Variants in TMEM132D observed in about 807,000 individuals in gnomAD.
TMEM132D encodes the protein transmembrane protein 132D.
Under a neutral mutation model 62.3 loss-of-function variants are expected in TMEM132D, and 21 were observed. The observed-to-expected ratio is 0.34, with a 90% confidence interval of 0.24 to 0.49. The LOEUF is 0.49. Among genes scored for constraint, TMEM132D ranks in the 20% least tolerant of loss-of-function variants. The pLI, the probability that TMEM132D is intolerant of heterozygous loss-of-function variation, is 0.99. For missense variants in TMEM132D, 1,346 were observed against 1,402.8 expected (o/e 0.96, Z 0.65); for synonymous variants, 621 against 575.6 (o/e 1.08, Z -1.13).
intron 3 of TMEM132D, among the ~76,000 whole-genome samples, chr12:129,515,373 C>G (rs1267099334): frequency 6.6e-6 from 1 of 152,040 alleles, no homozygotes; most frequent in Non-Finnish European, 1.5e-5. Context: ...AATGAATGAA[C>G]AAATGAATGA....
intron 1 of TMEM132D, among the ~76,000 whole-genome samples, chr12:129,728,020 A>G (rs1430482209): frequency 1.3e-5 from 2 of 152,126 alleles, no homozygotes; most frequent in Non-Finnish European, 2.9e-5. Context: ...CAGGTCCATT[A>G]TGCTGTCTCT....
At chr12:129,743,465 C>A (rs142002792) in intron 1 of TMEM132D, among the ~76,000 whole-genome samples, 1 of 152,172 alleles carries the variant, frequency 6.6e-6, no homozygotes, top group Non-Finnish European at 1.5e-5. Context: ...TGAAGAAGAA[C>A]GTGTTTGCTT....
At chr12:129,438,477 C>T (rs1018151368) in intron 3 of TMEM132D, among the ~76,000 whole-genome samples, 1 of 152,182 alleles carries the variant, frequency 6.6e-6, no homozygotes, top group Non-Finnish European at 1.5e-5. Context: ...AACATAGATA[C>T]ATCTCCCTGA....
chr12:129,642,215 A>G (rs1052290661), intron 2 of TMEM132D, among the ~76,000 whole-genome samples: 16 of 152,216 alleles, frequency 1.1e-4, no homozygotes, highest in African/African-American at 3.1e-4. Context: ...GGGTGAATGC[A>G]ATCGTTTACC....
At position 129,088,890 on chromosome 12, in the gene TMEM132D, C is replaced by T. The variant is rs1484904084; in HGVS notation, c.1444-4188G>A. On this transcript the variant is annotated intron_variant, in intron 5 of 8. Transcript: ENST00000422113. Reference sequence around the variant, plus strand: ...CCGGGTGTCCTCTATGACCGGGTGTCCTCCCTGACCGGGTGTCCTCCATGA... The same window carrying T: ...CCGGGTGTCCTCTATGACCGGGTGTTCTCCCTGACCGGGTGTCCTCCATGA... 2.4e-4 allele frequency among the ~76,000 whole-genome samples: 8 copies of T among 33,574 alleles called. 4 individuals carry two copies. In the Admixed American group the frequency reaches 2.5e-3, roughly 10 times the overall value. The allele number at this position is 33,574 out of a possible 152,430, so 22.0% of individuals were successfully genotyped here. A position where few individuals can be genotyped will look rare whatever the true frequency, so the allele number is the denominator to read the frequency against.
intron 1 of TMEM132D, among the ~76,000 whole-genome samples, chr12:129,783,350 A>T (rs1871172559): frequency 6.6e-6 from 1 of 152,206 alleles, no homozygotes; most frequent in South Asian, 2.1e-4. Context: ...ATGTTCAGAG[A>T]CACGAATGGT....
At chr12:129,899,356 A>G (rs1348425380) in intron 1 of TMEM132D, among the ~76,000 whole-genome samples, 1 of 129,940 alleles carries the variant, frequency 7.7e-6, no homozygotes, top group Non-Finnish European at 1.6e-5. Flanking sequence ...GGATGGAGGG[A>G]TGGATGGATG....
chr12:129,424,569 G>T (rs142069248), intron 3 of TMEM132D, among the ~76,000 whole-genome samples: 2 of 151,864 alleles, frequency 1.3e-5, no homozygotes, highest in Admixed American at 1.3e-4. Flanking sequence ...TTAGCCGGGC[G>T]TGGTGGTGGG....
chr12:129,882,330 C>A (rs1029361364), intron 1 of TMEM132D, among the ~76,000 whole-genome samples: 6 of 152,068 alleles, frequency 3.9e-5, no homozygotes, highest in Admixed American at 1.3e-4. Flanking sequence ...AAAACTACAG[C>A]AAATTTCTTT....
Position 129,699,994 on chromosome 12 carries a change from G to T in TMEM132D, c.784C>A (p.Pro262Thr), listed in dbSNP as rs773867246. Residue 262 changes from proline to threonine, a missense_variant, in exon 2 of 9, where the codon CCC becomes ACC. Coordinates refer to ENST00000422113, the MANE Select transcript of TMEM132D (RefSeq NM_133448.3). ...ATGCTCCCGATCCTCTGCAAGGGGG[G>T]CCCGGACTCATCGATGTCACTGTGG... Reference protein sequence around the residue: ...TGHSDIDESGPPLQRIGSIFL... With the variant: ...TGHSDIDESGTPLQRIGSIFL... 3.1e-6 allele frequency: 5 copies of T among 1,614,050 alleles called. No homozygotes were observed. The highest frequency in any genetic ancestry group is 4.2e-6 in the Non-Finnish European group (5 of 1,180,032).
rs552833346 is a variant in TMEM132D at position 129,616,405 on chromosome 12, G to A, written c.968+83405C>T. 1.9e-3 allele frequency among the ~76,000 whole-genome samples: 283 copies of A among 152,264 alleles called. 2 individuals carry two copies. Among genetic ancestry groups the A allele is most frequent in the South Asian group, 0.014 (66 of 4,818 alleles). The stretch of plus-strand genomic sequence containing the variant: ...TTCTTTTTCATTGAGGGGCACAGTG[G>A]TGTGGTTGTATTTGCTGATATGAGA... On this transcript the variant is annotated intron_variant, in intron 2 of 8. Coordinates refer to ENST00000422113, the MANE Select transcript of TMEM132D (RefSeq NM_133448.3).
intron 1 of TMEM132D, among the ~76,000 whole-genome samples, chr12:129,818,792 T>G (rs1387249783): frequency 2.0e-5 from 3 of 151,976 alleles, no homozygotes; most frequent in African/African-American, 7.3e-5. Flanking sequence ...CCCAGCACTT[T>G]GGAAGGCCAA....
intron 3 of TMEM132D, among the ~76,000 whole-genome samples, chr12:129,383,922 A>G (rs1347100312): frequency 6.6e-6 from 1 of 152,152 alleles, no homozygotes; most frequent in African/African-American, 2.4e-5. Flanking sequence ...TCCCATAAGG[A>G]CCCGGAATGA....
At chr12:129,285,012 G>A (rs1017668387) in intron 4 of TMEM132D, among the ~76,000 whole-genome samples, 7 of 152,196 alleles carry the variant, frequency 4.6e-5, no homozygotes, top group African/African-American at 7.2e-5. Context: ...GTGAATATAC[G>A]AAATGCCACT....
intron 2 of TMEM132D, among the ~76,000 whole-genome samples, chr12:129,613,856 C>A (rs563274260): frequency 1.5e-4 from 23 of 151,450 alleles, no homozygotes; most frequent in African/African-American, 5.1e-4. Flanking sequence ...GGCTCCAGAA[C>A]CCAACCAGCT....
intron 5 of TMEM132D, among the ~76,000 whole-genome samples, chr12:129,122,095 G>C (rs1876083948): frequency 6.6e-6 from 1 of 152,214 alleles, no homozygotes; most frequent in African/African-American, 2.4e-5. Context: ...GCGATGCTGG[G>C]TGACCCGCCA....
chr12:129,308,471 C>A (rs1376275821), intron 4 of TMEM132D, among the ~76,000 whole-genome samples: 1 of 152,120 alleles, frequency 6.6e-6, no homozygotes, highest in Non-Finnish European at 1.5e-5. Context: ...AAGGGCAATT[C>A]ATTAATTAAT....
At chr12:129,435,945 A>G (rs1437629556) in intron 3 of TMEM132D, among the ~76,000 whole-genome samples, 1 of 152,160 alleles carries the variant, frequency 6.6e-6, no homozygotes, top group Non-Finnish European at 1.5e-5. Context: ...AACAATTGTG[A>G]TATCATTTTG....
chr12:129,348,326 C>A (rs1336976936), intron 3 of TMEM132D, among the ~76,000 whole-genome samples: 1 of 152,132 alleles, frequency 6.6e-6, no homozygotes, highest in Non-Finnish European at 1.5e-5. Context: ...CAATGATAGA[C>A]TGGATAAAGA....
Sources: allele counts gnomAD v4.1 joint callset (sites outside exome capture counted in the v4.1 genomes callset), GRCh38; gene constraint gnomAD v4.1.1; transcripts MANE v1.5; gene names NCBI Gene and HGNC (gene_info 2026-07-23, HGNC 2026-07-21).